TRPM3: variants seen among roughly 807,000 people sequenced by gnomAD.
TRPM3 encodes the protein transient receptor potential cation channel subfamily M member 3, also known as long transient receptor potential channel 3.
Under a neutral mutation model 181.2 loss-of-function variants are expected in TRPM3, and 77 were observed. The ratio of observed to expected loss-of-function variants is 0.42; its 90% CI spans 0.35 to 0.51. The LOEUF is 0.51. Ranked by LOEUF, TRPM3 falls within the 20% of genes least tolerant of loss-of-function variation. The pLI is 0.01. For synonymous variants in TRPM3, 745 were observed against 796.4 expected (o/e 0.94, Z 1.09); for missense variants, 1,759 against 2,196.7 (o/e 0.80, Z 3.98).
chr9:71,141,589 T>C (rs1221957993), intron 1 of TRPM3, among the ~76,000 whole-genome samples: 1 of 152,192 alleles, frequency 6.6e-6, no homozygotes. Flanking sequence ...AACACACACC[T>C]GAAATATTTT....
At chr9:71,198,643 G>T (rs960556358) in intron 1 of TRPM3, among the ~76,000 whole-genome samples, 1 of 151,502 alleles carries the variant, frequency 6.6e-6, no homozygotes, top group Non-Finnish European at 1.5e-5. Flanking sequence ...AATTGTGAAT[G>T]GGAGTTCACT....
At chr9:71,373,325 C>G (rs2092578160) in intron 1 of TRPM3, among the ~76,000 whole-genome samples, 1 of 138,778 alleles carries the variant, frequency 7.2e-6, no homozygotes, top group Non-Finnish European at 1.6e-5. Flanking sequence ...AAAAAAAAAT[C>G]AACGAATCCA....
chr9:71,363,654 A>G (rs1188453841), intron 1 of TRPM3, among the ~76,000 whole-genome samples: 1 of 152,182 alleles, frequency 6.6e-6, no homozygotes, highest in Non-Finnish European at 1.5e-5. Flanking sequence ...TCATTTTCTA[A>G]GCTAACTCAT....
chr9:71,317,577 G>C (rs943798910), intron 1 of TRPM3, among the ~76,000 whole-genome samples: 2 of 151,458 alleles, frequency 1.3e-5, no homozygotes, highest in South Asian at 2.1e-4. Context: ...GGAGGCAGAG[G>C]TTGCAGTAAG....
chr9:70,746,836 G>C (rs1004170303), intron 8 of TRPM3, among the ~76,000 whole-genome samples: 1 of 152,122 alleles, frequency 6.6e-6, no homozygotes, highest in South Asian at 2.1e-4. Flanking sequence ...GATGAAGGCA[G>C]AGTTGGAATC....
At chr9:70,604,961 C>CTTT (rs1554774923) in intron 19 of TRPM3, among the ~76,000 whole-genome samples, 1 of 4,906 alleles carries the variant, frequency 2.0e-4, no homozygotes. Context: ...TGAATGGATT[C>CTTT]TTCTTTTTTT....
chr9:70,816,619 T>C (rs966616923), intron 6 of TRPM3, among the ~76,000 whole-genome samples: 5 of 152,238 alleles, frequency 3.3e-5, no homozygotes, highest in African/African-American at 1.2e-4. Context: ...CCAGGATTCA[T>C]CTTAGAAGCA....
intron 1 of TRPM3, among the ~76,000 whole-genome samples, chr9:71,331,208 C>T (rs575765358): frequency 1.9e-4 from 29 of 151,684 alleles, no homozygotes; most frequent in Non-Finnish European, 3.7e-4. Context: ...TAAATATATA[C>T]AACTTCTTGT....
At chr9:70,761,219 A>G (rs1017531349) in intron 8 of TRPM3, 3 of 573,948 alleles carry the variant, frequency 5.2e-6, no homozygotes, top group African/African-American at 3.7e-5. Context: ...CATTAAAGCT[A>G]TTTGACAGAA....
intron 1 of TRPM3, among the ~76,000 whole-genome samples, chr9:71,015,124 C>T (rs772358425): frequency 2.6e-4 from 39 of 152,126 alleles, no homozygotes; most frequent in Non-Finnish European, 4.1e-4. Context: ...GGCTCACTCT[C>T]CTGTTGCATT....
intron 11 of TRPM3, 35 bp downstream of exon 11, chr9:70,639,025 A>C (rs947698172): frequency 6.2e-7 from 1 of 1,606,408 alleles, no homozygotes; most frequent in African/African-American, 1.3e-5. Flanking sequence ...AAACAGAAAA[A>C]AAAGAAAATA....
intron 1 of TRPM3, among the ~76,000 whole-genome samples, chr9:71,274,462 T>C (rs1447974480): frequency 6.6e-6 from 1 of 152,186 alleles, no homozygotes; most frequent in South Asian, 2.1e-4. Context: ...GGGCCACTTA[T>C]ATTACATTTA....
intron 3 of TRPM3, among the ~76,000 whole-genome samples, chr9:70,856,587 T>C (rs150019319): frequency 0.012 from 1,799 of 152,276 alleles, 22 homozygotes; most frequent in Non-Finnish European, 0.017. Flanking sequence ...AGCCTCCCCC[T>C]GCCTGTTATC....
intron 17 of TRPM3, among the ~76,000 whole-genome samples, 166 bp downstream of exon 17, chr9:70,618,701 T>C (rs1025779940): frequency 1.3e-5 from 2 of 152,198 alleles, no homozygotes; most frequent in Non-Finnish European, 2.9e-5. Context: ...CTATATGGAA[T>C]AAACAAAACC....
chr9:70,558,501 A>G (rs752494971), intron 22 of TRPM3, among the ~76,000 whole-genome samples: 10 of 152,182 alleles, frequency 6.6e-5, no homozygotes, highest in Non-Finnish European at 1.5e-4. Flanking sequence ...CCAAGGTTGA[A>G]TTATTGCCAG....
intron 1 of TRPM3, among the ~76,000 whole-genome samples, chr9:70,997,706 C>G (rs1279816367): frequency 6.6e-6 from 1 of 152,144 alleles, no homozygotes; most frequent in Non-Finnish European, 1.5e-5. Context: ...GTAGGCCACA[C>G]TCTGTAGTTA....
At chr9:71,018,964 G>C (rs2097814189) in intron 1 of TRPM3, among the ~76,000 whole-genome samples, 1 of 151,860 alleles carries the variant, frequency 6.6e-6, no homozygotes, top group Non-Finnish European at 1.5e-5. Flanking sequence ...TTCATTTCAG[G>C]AGTGTAAGAA....
At chr9:71,103,653 T>C (rs1032360278) in intron 1 of TRPM3, among the ~76,000 whole-genome samples, 1 of 152,158 alleles carries the variant, frequency 6.6e-6, no homozygotes, top group African/African-American at 2.4e-5. Flanking sequence ...TAAATGTGGA[T>C]GGATAGGGAG....
chr9:70,765,255 A>C (rs1049722150), intron 7 of TRPM3, among the ~76,000 whole-genome samples: 52 of 152,208 alleles, frequency 3.4e-4, no homozygotes, highest in Non-Finnish European at 1.3e-4. Flanking sequence ...AAGGGGGAAC[A>C]CTAAATGAAG....
Sources: gnomAD v4.1 joint callset for allele counts (sites outside exome capture counted in the v4.1 genomes callset) on GRCh38, gnomAD v4.1.1 for gene constraint, MANE v1.5 for transcripts, NCBI Gene and HGNC (gene_info 2026-07-23, HGNC 2026-07-21) for gene names.